The following PPEF2 variants were observed in gnomAD, a reference collection of about 807,000 sequenced individuals.
The protein encoded by PPEF2 is serine/threonine-protein phosphatase with EF-hands 2.
Under a neutral mutation model 84.7 loss-of-function variants are expected in PPEF2, and 84 were observed. That is an observed-to-expected ratio of 0.99 (90% confidence interval 0.83 to 1.19). The LOEUF is 1.19. Among genes scored for constraint, PPEF2 ranks in the 50% most tolerant of loss-of-function variants. PPEF2 has a pLI of 0.00. For missense variants in PPEF2, 924 were observed against 937.5 expected (o/e 0.99, Z 0.19); for synonymous variants, 346 against 345.2 (o/e 1.00, Z -0.03).
chr4:75,860,450 A>G lies in PPEF2; in HGVS notation c.*217T>C. On this transcript the variant is annotated 3_prime_UTR_variant, in exon 17 of 17. Coordinates refer to ENST00000286719, the MANE Select transcript of PPEF2 (RefSeq NM_006239.3). ...ACTATACCTAAGTTCTACTTTGTGAAGATTGTGAGGTGGGGTTGGGGCACT... is the reference window on the plus strand; with the variant it reads ...ACTATACCTAAGTTCTACTTTGTGAGGATTGTGAGGTGGGGTTGGGGCACT... 1.7e-6 allele frequency: 1 copy of G among 586,132 alleles called. No individual in the cohort carries two copies. The highest frequency in any genetic ancestry group is 3.0e-6 in the Non-Finnish European group (1 of 336,594). The allele number at this position is 586,132 out of a possible 1,614,324, so 36.3% of individuals were successfully genotyped here.
At chr4:75,888,375 G>A (rs778969662) in intron 5 of PPEF2, 47 bp from the exon 6 acceptor site, 25 of 1,425,816 alleles carry the variant, frequency 1.8e-5, no homozygotes, top group African/African-American at 5.6e-5. Flanking sequence ...ACTGATATTC[G>A]TGAGGGAAAA....
intron 4 of PPEF2, 126 bp from the exon 5 acceptor site, chr4:75,890,258 G>A: frequency 2.0e-6 from 2 of 1,018,022 alleles, no homozygotes; most frequent in Non-Finnish European, 2.9e-6. Flanking sequence ...GGCCAAGGAG[G>A]GAGGATTGCT....
intron 1 of PPEF2, among the ~76,000 whole-genome samples, chr4:75,901,245 G>T (rs1012846750): frequency 7.2e-5 from 11 of 152,194 alleles, no homozygotes; most frequent in Admixed American, 5.9e-4. Context: ...GCTGGGTGCC[G>T]TGGCTCATGC....
At chr4:75,863,335 CAAAAA>C (rs55667727) in intron 16 of PPEF2, among the ~76,000 whole-genome samples, 1 of 140,894 alleles carries the variant, frequency 7.1e-6, no homozygotes. Flanking sequence ...ACTAAAAATA[CAAAAA>C]AAAAAAAAAA....
chr4:75,891,974 G>T lies in PPEF2; in HGVS notation c.60C>A (p.Phe20Leu). 6.2e-7 allele frequency: 1 copy of T among 1,613,174 alleles called. No homozygotes were observed. Among genetic ancestry groups the T allele is most frequent in the South Asian group, 1.1e-5 (1 of 91,052 alleles). The change falls in exon 3 of 17, where the codon TTC becomes TTA. Residue 20 changes from phenylalanine (F) to leucine (L), a missense_variant. Coordinates refer to ENST00000286719, the MANE Select transcript of PPEF2 (RefSeq NM_006239.3). ...HFAFQNAERA[F>L]KAAALIQRWY... ...ATCTCTGGATCAGGGCTGCTGCCTT[G>T]AAGGCTATGACACCGATGGAGAAGC... is the stretch of plus-strand genomic sequence containing the variant.
intron 16 of PPEF2, among the ~76,000 whole-genome samples, chr4:75,863,928 A>G (rs1324007135): frequency 6.7e-6 from 1 of 148,714 alleles, no homozygotes; most frequent in African/African-American, 2.5e-5. Context: ...GCTGGAGTCC[A>G]GTGGCACGAC....
At chr4:75,884,405 G>A (rs1268261149) in intron 8 of PPEF2, among the ~76,000 whole-genome samples, 189 bp downstream of exon 8, 1 of 142,888 alleles carries the variant, frequency 7.0e-6, no homozygotes, top group Non-Finnish European at 1.5e-5. Flanking sequence ...TAGCCTAGGC[G>A]ACCGAGTGAG....
At chr4:75,889,842 T>C (rs2149226662) in intron 5 of PPEF2, 115 bp downstream of exon 5, 1 of 1,182,060 alleles carries the variant, frequency 8.5e-7, no homozygotes, top group South Asian at 1.4e-5. Context: ...ATCTCTCTAG[T>C]GGACACATGA....
At chr4:75,897,172 A>G (rs534634134) in intron 1 of PPEF2, among the ~76,000 whole-genome samples, 44 of 152,008 alleles carry the variant, frequency 2.9e-4, no homozygotes, top group African/African-American at 1.0e-3. Flanking sequence ...CTTTATTTCA[A>G]TTCTACACCT....
At chr4:75,879,425 A>G (rs1724509645) in intron 10 of PPEF2, among the ~76,000 whole-genome samples, 1 of 152,202 alleles carries the variant, frequency 6.6e-6, no homozygotes, top group South Asian at 2.1e-4. Flanking sequence ...TCTTTGCTTC[A>G]ACAAAAATGT....
At chr4:75,866,013 G>A (rs1056847536) in intron 15 of PPEF2, among the ~76,000 whole-genome samples, 176 bp downstream of exon 15, 8 of 152,142 alleles carry the variant, frequency 5.3e-5, no homozygotes, top group African/African-American at 1.9e-4. Flanking sequence ...CTGAGGCAAT[G>A]TATGAAAACC....
Position 75,876,272 on chromosome 4 carries a change from C to T in PPEF2, c.1320+15G>A. The T allele has an allele frequency of 1.9e-6, 3 of 1,575,136 alleles. No individual in the cohort carries two copies. Among genetic ancestry groups the T allele is most frequent in the Non-Finnish European group, 2.6e-6 (3 of 1,160,058 alleles). ...GGCAGCCACATGCTAGGAAGCAGCGCCTGGCCACGCTCACCTGCCTCCACT... is the reference window on the plus strand; with the variant it reads ...GGCAGCCACATGCTAGGAAGCAGCGTCTGGCCACGCTCACCTGCCTCCACT... On this transcript the variant is annotated intron_variant, in intron 11 of 16. Transcript: ENST00000286719.
chr4:75,870,164 C>A (rs1210631447), intron 13 of PPEF2, among the ~76,000 whole-genome samples: 1 of 152,060 alleles, frequency 6.6e-6, no homozygotes, highest in Admixed American at 6.5e-5. Context: ...TGTAGGGAAT[C>A]CTAGAGTGAC....
intron 10 of PPEF2, among the ~76,000 whole-genome samples, chr4:75,877,913 T>A (rs1159055895): frequency 6.6e-6 from 1 of 152,186 alleles, no homozygotes; most frequent in Non-Finnish European, 1.5e-5. Context: ...GGGAGACCAG[T>A]GACTTTTTTA....
Position 75,884,751 on chromosome 4 carries a change from G to T in PPEF2, c.589C>A (p.Pro197Thr). The T allele has an allele frequency of 6.3e-7, 1 of 1,580,934 alleles. No individual in the cohort carries two copies. The highest frequency in any genetic ancestry group is 8.6e-7 in the Non-Finnish European group (1 of 1,167,178). The change falls in exon 8 of 17, where the codon CCG becomes ACG. Residue 197 changes from proline to threonine, a missense_variant. Physicochemically the swap from Pro to Thr is conservative, Grantham distance 38. Coordinates refer to ENST00000286719, the MANE Select transcript of PPEF2 (RefSeq NM_006239.3). Reference protein sequence around the residue: ...LIFIFYKNGLPSPERSYVFNG... With the variant: ...LIFIFYKNGLTSPERSYVFNG... ...AACACATATGACCGTTCTGGCGACG[G>T]GAGGCCATTCTTTTCAACAAGGAGA...
chr4:75,868,081 G>C lies in PPEF2; in HGVS notation c.1650-662C>G, dbSNP rs537637065. 9.9e-5 allele frequency among the ~76,000 whole-genome samples: 15 copies of C among 151,910 alleles called. No individual in the cohort carries two copies. The East Asian group carries it at 2.9e-3, about 29-fold the overall frequency. ...TCCCAGCACTCTGGGAGGCCAAGGT[G>C]GGTGGATTCCTTGAGCCCAGGAGTT... On this transcript the variant is annotated intron_variant, in intron 13 of 16. Transcript: ENST00000286719.
In PPEF2 at chr4:75,876,427, C is replaced by G. The variant is rs34097437; in HGVS notation, c.1180G>C (p.Val394Leu). Residue 394 changes from valine (V) to leucine (L), a missense_variant, in exon 11 of 17, where the codon GTG becomes CTG. Coordinates refer to ENST00000286719, the MANE Select transcript of PPEF2 (RefSeq NM_006239.3). ...CGGCACCGCTCTAGCTCCAGTTCCACGGAGCTCCGCACCTGCCGGGAGAGC... is the reference window on the plus strand; with the variant it reads ...CGGCACCGCTCTAGCTCCAGTTCCAGGGAGCTCCGCACCTGCCGGGAGAGC... ...RELSRQVRSS[V>L]ELELERCRQQ... 6.2e-3 allele frequency: 9,955 copies of G among 1,614,092 alleles called. 424 individuals are homozygous for G. In the African/African-American group the frequency reaches 0.1, roughly 17 times the overall value.
rs2149211309 is a variant in PPEF2, at chr4:75,860,033, A to G, written c.*634T>C. 6.6e-6 allele frequency: 1 copy of G among 152,352 alleles called. No individual in the cohort carries two copies. Among genetic ancestry groups the G allele is most frequent in the East Asian group, 1.9e-4 (1 of 5,180 alleles). 9.4% of individuals were successfully genotyped at this position (152,352 alleles called of 1,614,324 possible). On this transcript the variant is annotated 3_prime_UTR_variant, in exon 17 of 17. Transcript: ENST00000286719. Reference sequence around the variant, plus strand: ...AAATAACTTTCCTTTACCAATAGACATTGTTAAAGACAATAAATAAAAAGT... The same window carrying G: ...AAATAACTTTCCTTTACCAATAGACGTTGTTAAAGACAATAAATAAAAAGT...
intron 11 of PPEF2, among the ~76,000 whole-genome samples, chr4:75,874,127 C>CAAAT (rs10589641): frequency 1.3e-3 from 195 of 150,362 alleles, no homozygotes; most frequent in African/African-American, 4.5e-3. Context: ...AACAAACAAA[C>CAAAT]AAATAAATAA....
Sources: allele counts gnomAD v4.1 joint callset (sites outside exome capture counted in the v4.1 genomes callset), GRCh38; gene constraint gnomAD v4.1.1; transcripts MANE v1.5; gene names NCBI Gene and HGNC (gene_info 2026-07-23, HGNC 2026-07-21).